LETM1: variants seen among roughly 807,000 people sequenced by gnomAD.
LETM1 encodes the protein leucine zipper and EF-hand containing transmembrane protein 1.
LETM1 carries 50 observed loss-of-function variants against 74.5 expected under a neutral mutation model. That is an observed-to-expected ratio of 0.67 (90% CI 0.53 to 0.85). The LOEUF (loss-of-function observed/expected upper bound fraction) is 0.85. LETM1 is among the 40% of genes least tolerant of loss of function. The probability of loss-of-function intolerance (pLI) is 0.00; values close to 1 mark genes in which losing one functional copy is unlikely to be tolerated. For synonymous variants in LETM1, 446 were observed against 407.1 expected (o/e 1.10, Z -1.15); for missense variants, 824 against 967.8 (o/e 0.85, Z 1.97).
At chr4:1,823,319 G>A (rs530440089) in intron 8 of LETM1, among the ~76,000 whole-genome samples, 188 bp from the exon 9 acceptor site, 40 of 150,104 alleles carry the variant, frequency 2.7e-4, no homozygotes, top group African/African-American at 8.0e-4. Flanking sequence ...CTCTGCGCTC[G>A]CCCGATGACT....
chr4:1,849,017 T>C (rs1712978879), intron 2 of LETM1, 132 bp downstream of exon 2: 1 of 677,036 alleles, frequency 1.5e-6, no homozygotes, highest in Admixed American at 2.3e-5. Flanking sequence ...AAGATAAAGG[T>C]TTAAAAGAAA....
chr4:1,849,130 G>A lies in LETM1; in HGVS notation c.143+19C>T. 4 of 1,584,014 alleles carry A rather than the reference G, an allele frequency of 2.5e-6. No homozygotes were observed. The highest frequency in any genetic ancestry group is 3.5e-6 in the Non-Finnish European group (4 of 1,152,352). On this transcript the variant is annotated intron_variant, in intron 2 of 13. Transcript: ENST00000302787. Reference sequence around the variant, plus strand: ...CTGTTTTCAAACAGACAGGTGCAGAGTGATACTGATTTACTCACAGGCAGT... The same window carrying A: ...CTGTTTTCAAACAGACAGGTGCAGAATGATACTGATTTACTCACAGGCAGT...
intron 1 of LETM1, among the ~76,000 whole-genome samples, 175 bp downstream of exon 1, chr4:1,855,694 G>A (rs1026812860): frequency 1.3e-5 from 2 of 152,130 alleles, no homozygotes; most frequent in Non-Finnish European, 2.9e-5. Flanking sequence ...TCCGCCCGGC[G>A]CTGGCGGCCC....
chr4:1,855,992 C>T lies in LETM1; in HGVS notation c.-42G>A. On this transcript the variant is annotated 5_prime_UTR_variant, in exon 1 of 14. Coordinates refer to ENST00000302787, the MANE Select transcript of LETM1 (RefSeq NM_012318.3). ...GCCGCTCCGGCCTCCTGCGCTGCCT[C>T]CTTCTCCGCGGCGGCCGCGGCTCTT... 8.7e-7 allele frequency: 1 copy of T among 1,153,714 alleles called. No individual in the cohort carries two copies. Among genetic ancestry groups the T allele is most frequent in the Non-Finnish European group, 1.1e-6 (1 of 925,536 alleles). The allele number at this position is 1,153,714 out of a possible 1,614,324, so 71.5% of individuals were successfully genotyped here. A position where few individuals can be genotyped will look rare whatever the true frequency, so the allele number is the denominator to read the frequency against.
chr4:1,842,704 G>A (rs1392516697), intron 2 of LETM1, among the ~76,000 whole-genome samples: 3 of 152,216 alleles, frequency 2.0e-5, no homozygotes, highest in East Asian at 1.9e-4. Context: ...CTCGGTCCAC[G>A]CTGCATCGGC....
In LETM1 at chr4:1,834,833, G is replaced by GT. The variant is rs752798261; in HGVS notation, c.876+11dup. 1.9e-5 allele frequency: 31 copies of GT among 1,613,796 alleles called. No individual in the cohort carries two copies. In the Admixed American group the frequency reaches 2.0e-4, roughly 10 times the overall value. On this transcript the variant is annotated intron_variant, in intron 5 of 13. Transcript: ENST00000302787. This position sits in a 1 kb window ranked among gnomAD's most constrained non-coding sequence, Gnocchi z 5.0. Reference sequence around the variant, plus strand: ...CTGGTGAGGTCACAGGGACTCAGACGTATCACAGCACCTTCTGGAAAAACA... The same window carrying GT: ...CTGGTGAGGTCACAGGGACTCAGACGTTATCACAGCACCTTCTGGAAAAACA...
intron 6 of LETM1, among the ~76,000 whole-genome samples, chr4:1,828,982 CAG>C (rs1185899080): frequency 8.5e-5 from 8 of 94,626 alleles, no homozygotes; most frequent in Admixed American, 1.9e-4. Flanking sequence ...GCTGGCCGGG[CAG>C]GGGGGCTGAC....
At position 1,822,198 on chromosome 4, in the gene LETM1, C is replaced by G. The variant is rs368453283; in HGVS notation, c.1591G>C (p.Val531Leu). The G allele has an allele frequency of 8.8e-6, 13 of 1,472,600 alleles. No individual in the cohort carries two copies. Among genetic ancestry groups the G allele is most frequent in the Non-Finnish European group, 1.2e-5 (13 of 1,097,620 alleles). 91.2% of individuals were successfully genotyped at this position (1,472,600 alleles called of 1,614,324 possible). Residue 531 changes from valine to leucine, a missense_variant, in exon 10 of 14, where the codon GTG becomes CTG. Physicochemically the swap from Val to Leu is conservative, Grantham distance 32. Around this residue, in one of 4 missense-constraint regions of LETM1, gnomAD observed 172 missense variants for 170.7 expected, o/e 1.01. Coordinates refer to ENST00000302787, the MANE Select transcript of LETM1 (RefSeq NM_012318.3). ...CTCATTACCTTCAAGCCCTCCAGCA[C>G]CGGGGCAGTGTCCTTCAAGGTCTCT... ...QSETLKDTAP[V>L]LEGLKEEEIT...
Position 1,825,701 on chromosome 4 carries a change from G to C in LETM1, c.1081-18C>G. On this transcript the variant is annotated intron_variant, in intron 6 of 13. Transcript: ENST00000302787. ...GCAATCAGCTAGAAAACAAAGCAGT[G>C]AATTATCATCTGGGACAGTTGCTGG... is the stretch of plus-strand genomic sequence containing the variant. 2 of 1,605,026 alleles carry C rather than the reference G, an allele frequency of 1.2e-6. No homozygotes were observed. Among genetic ancestry groups the C allele is most frequent in the South Asian group, 2.2e-5 (2 of 90,224 alleles).
rs117436250 is a variant in LETM1, at chr4:1,834,873, G to T, written c.848C>A (p.Thr283Asn). The part of the protein sequence containing the change: ...LKNKAAKGSA[T>N]KDFSVFFQKI... ...CTGGAAAAACACAGAGAAGTCTTTGGTGGCGCTGCCCTTGGCTGCCTTGTT... is the reference window on the plus strand; with the variant it reads ...CTGGAAAAACACAGAGAAGTCTTTGTTGGCGCTGCCCTTGGCTGCCTTGTT... Residue 283 changes from threonine to asparagine, a missense_variant, in exon 5 of 14, where the codon ACC becomes AAC. Physicochemically the swap from Thr to Asn is moderately conservative, Grantham distance 65. Coordinates refer to ENST00000302787, the MANE Select transcript of LETM1 (RefSeq NM_012318.3). The surrounding 1 kb of genome is among the most constrained non-coding windows in gnomAD (Gnocchi z 5.0). 4.3e-6 allele frequency: 7 copies of T among 1,614,170 alleles called. No homozygotes were observed. The East Asian group carries it at 1.1e-4, about 26-fold the overall frequency.
rs1301737715 is a variant in LETM1, at chr4:1,822,918, G to A, written c.1476+70C>T. On this transcript the variant is annotated intron_variant, in intron 9 of 13. Coordinates refer to ENST00000302787, the MANE Select transcript of LETM1 (RefSeq NM_012318.3). Reference sequence around the variant, plus strand: ...AGCATGCGGGAGGCCAAGACTGTGGGCGTGCGGGGGTTTCTAGGGAGGCTG... The same window carrying A: ...AGCATGCGGGAGGCCAAGACTGTGGACGTGCGGGGGTTTCTAGGGAGGCTG... 3.9e-6 allele frequency: 5 copies of A among 1,273,006 alleles called. No homozygotes were observed. In the African/African-American group the frequency reaches 6.2e-5, roughly 16 times the overall value. 78.9% of individuals were successfully genotyped at this position (1,273,006 alleles called of 1,614,324 possible). A position where few individuals can be genotyped will look rare whatever the true frequency, so the allele number is the denominator to read the frequency against.
At chr4:1,835,475 AC>A (rs1712433296) in intron 4 of LETM1, among the ~76,000 whole-genome samples, 2 of 148,160 alleles carry the variant, frequency 1.3e-5, no homozygotes, top group African/African-American at 5.3e-5. Context: ...AAACAAACAA[AC>A]AAACAAACAA....
At chr4:1,848,233 G>A (rs565181770) in intron 2 of LETM1, among the ~76,000 whole-genome samples, 17 of 151,838 alleles carry the variant, frequency 1.1e-4, no homozygotes, top group African/African-American at 3.6e-4. Flanking sequence ...GTGAAACCCC[G>A]TCTCTAATAA....
At position 1,850,323 on chromosome 4, in the gene LETM1, C is replaced by G. The variant is rs574569797; in HGVS notation, c.83-1114G>C. On this transcript the variant is annotated intron_variant, in intron 1 of 13. Coordinates refer to ENST00000302787, the MANE Select transcript of LETM1 (RefSeq NM_012318.3). ...AGTAGTCCTAAAAAAAGATGGGAAG[C>G]CTCAAGTAGATCCTGACTCCAGACA... 3.9e-5 allele frequency among the ~76,000 whole-genome samples: 6 copies of G among 152,184 alleles called. No individual in the cohort carries two copies. In the East Asian group the frequency reaches 1.2e-3, roughly 29 times the overall value.
intron 11 of LETM1, among the ~76,000 whole-genome samples, chr4:1,818,511 G>A (rs1184516402): frequency 2.6e-5 from 4 of 151,960 alleles, no homozygotes; most frequent in Non-Finnish European, 5.9e-5. Context: ...TACTCAGGAG[G>A]CTGAGGCAGA....
chr4:1,836,717 C>T lies in LETM1; in HGVS notation c.595-145G>A. On this transcript the variant is annotated intron_variant, in intron 3 of 13. Transcript: ENST00000302787. This position sits in a 1 kb window ranked among gnomAD's most constrained non-coding sequence, Gnocchi z 5.8. ...CCACTGAGGACTCTAAGTTCCAGAA[C>T]CACTTAGCAGACCATTCCCAAAACC... The T allele has an allele frequency of 2.4e-6, 2 of 833,540 alleles. No individual in the cohort carries two copies. 51.6% of individuals were successfully genotyped at this position (833,540 alleles called of 1,614,324 possible). A position where few individuals can be genotyped will look rare whatever the true frequency, so the allele number is the denominator to read the frequency against.
At chr4:1,852,146 C>T (rs185135570) in intron 1 of LETM1, among the ~76,000 whole-genome samples, 1 of 152,330 alleles carries the variant, frequency 6.6e-6, no homozygotes, top group Admixed American at 6.5e-5. Flanking sequence ...GGTACGGGCT[C>T]AGTCCCACAA....
rs940156601 is a variant in LETM1 at position 1,834,401 on chromosome 4, C to A, written c.876+444G>T. On this transcript the variant is annotated intron_variant, in intron 5 of 13. Coordinates refer to ENST00000302787, the MANE Select transcript of LETM1 (RefSeq NM_012318.3). The surrounding 1 kb of genome is among the most constrained non-coding windows in gnomAD (Gnocchi z 5.0). ...CATGACCGCAGGAAACCTCAAGGGCCGCTCCTCCTCTCCAGCCCCCACTGC... is the reference window on the plus strand; with the variant it reads ...CATGACCGCAGGAAACCTCAAGGGCAGCTCCTCCTCTCCAGCCCCCACTGC... 67 of 993,346 alleles carry A rather than the reference C, an allele frequency of 6.7e-5. No homozygotes were observed. Among genetic ancestry groups the A allele is most frequent in the South Asian group, 2.3e-4 (5 of 21,980 alleles). The allele number at this position is 993,346 out of a possible 1,614,324, so 61.5% of individuals were successfully genotyped here.
rs2108847277 is a variant in LETM1, at chr4:1,834,230, TCTTC to T, written c.876+611_876+614del. 2 of 219,430 alleles carry T rather than the reference TCTTC, an allele frequency of 9.1e-6. No individual in the cohort carries two copies. The highest frequency in any genetic ancestry group is 3.7e-4 in the East Asian group (2 of 5,472). 13.6% of individuals were successfully genotyped at this position (219,430 alleles called of 1,614,324 possible). A position where few individuals can be genotyped will look rare whatever the true frequency, so the allele number is the denominator to read the frequency against. Reference sequence around the variant, plus strand: ...GGAGTTTCTAGGCCCTGGTTTAAGCTCTTCCTGCACTTCAGACACATCCTTCTCA... The same window carrying T: ...GGAGTTTCTAGGCCCTGGTTTAAGCTCTGCACTTCAGACACATCCTTCTCA... On this transcript the variant is annotated intron_variant, in intron 5 of 13. Transcript: ENST00000302787. This position sits in a 1 kb window ranked among gnomAD's most constrained non-coding sequence, Gnocchi z 5.0.
Sources: allele counts gnomAD v4.1 joint callset (sites outside exome capture counted in the v4.1 genomes callset), GRCh38; gene constraint gnomAD v4.1.1; regional missense constraint gnomAD v4.1.1; non-coding constraint Gnocchi (gnomAD v3.1); transcripts MANE v1.5; gene names NCBI Gene and HGNC (gene_info 2026-07-23, HGNC 2026-07-21).